CSMD1: variants seen among roughly 807,000 people sequenced by gnomAD.
CSMD1 encodes the protein CUB and sushi domain-containing protein 1.
In CSMD1, 213 loss-of-function variants were observed where a neutral mutation model predicts 417.5. The ratio of observed to expected loss-of-function variants is 0.51; its 90% CI spans 0.46 to 0.57. The LOEUF (loss-of-function observed/expected upper bound fraction) is 0.57, where lower values mean the gene tolerates loss of function less well. Ranked by LOEUF, CSMD1 falls within the 20% of genes least tolerant of loss-of-function variation. The probability of loss-of-function intolerance (pLI) is 0.00; values close to 1 mark genes in which losing one functional copy is unlikely to be tolerated. For missense variants in CSMD1, 6,923 were observed against 4,529.7 expected (o/e 1.53, Z -15.17); for synonymous variants, 2,862 against 1,736.8 (o/e 1.65, Z -16.11).
At chr8:4,082,661 T>C (rs188361845) in intron 3 of CSMD1, among the ~76,000 whole-genome samples, 116 of 152,128 alleles carry the variant, frequency 7.6e-4, no homozygotes, top group Admixed American at 1.5e-3. Context: ...ATGTGCACAA[T>C]GTGCAGGTTA....
intron 3 of CSMD1, among the ~76,000 whole-genome samples, chr8:4,391,734 G>C (rs533579513): frequency 6.6e-6 from 1 of 152,120 alleles, no homozygotes; most frequent in African/African-American, 2.4e-5. Flanking sequence ...AGTGCAATGT[G>C]CCTGAAGCCT....
chr8:4,361,176 A>C (rs1490329686), intron 3 of CSMD1, among the ~76,000 whole-genome samples: 1 of 152,350 alleles, frequency 6.6e-6, no homozygotes, highest in East Asian at 1.9e-4. Flanking sequence ...AATTAGACTT[A>C]TTAAGCTGTG....
intron 6 of CSMD1, among the ~76,000 whole-genome samples, chr8:3,729,807 A>G (rs1802716357): frequency 1.3e-5 from 2 of 151,934 alleles, no homozygotes; most frequent in South Asian, 4.2e-4. Context: ...TGATTTCTTC[A>G]TTCTACAGCA....
At chr8:4,508,280 G>T (rs1802638298) in intron 2 of CSMD1, among the ~76,000 whole-genome samples, 1 of 151,616 alleles carries the variant, frequency 6.6e-6, no homozygotes, top group Non-Finnish European at 1.5e-5. Context: ...TTTGCTAGAT[G>T]CATTGGAGTG....
intron 12 of CSMD1, among the ~76,000 whole-genome samples, chr8:3,456,268 C>G (rs984491581): frequency 6.6e-6 from 1 of 151,928 alleles, no homozygotes; most frequent in South Asian, 2.1e-4. Context: ...ATAGGTGGGG[C>G]GATGCCTTGC....
chr8:4,905,620 C>T (rs960412768), intron 1 of CSMD1, among the ~76,000 whole-genome samples: 15 of 151,664 alleles, frequency 9.9e-5, no homozygotes, highest in Admixed American at 3.9e-4. Context: ...GAGATCGAGG[C>T]CATCCTGGCT....
At chr8:4,347,831 T>G (rs1219373370) in intron 3 of CSMD1, among the ~76,000 whole-genome samples, 1 of 115,054 alleles carries the variant, frequency 8.7e-6, no homozygotes, top group Non-Finnish European at 1.7e-5. Flanking sequence ...ATATCTTCTC[T>G]CGTTCAAAGA....
intron 3 of CSMD1, among the ~76,000 whole-genome samples, chr8:4,287,274 A>G (rs758683531): frequency 2.0e-5 from 3 of 152,148 alleles, no homozygotes; most frequent in Non-Finnish European, 2.9e-5. Flanking sequence ...CTTGAATATA[A>G]TTAGTATTTT....
At chr8:4,326,025 A>G (rs1365696513) in intron 3 of CSMD1, among the ~76,000 whole-genome samples, 2 of 152,098 alleles carry the variant, frequency 1.3e-5, no homozygotes, top group South Asian at 2.1e-4. Context: ...CGCTATTTTT[A>G]AAGCAATATT....
chr8:3,985,685 C>T (rs1296543243), intron 5 of CSMD1, among the ~76,000 whole-genome samples: 1 of 152,028 alleles, frequency 6.6e-6, no homozygotes, highest in African/African-American at 2.4e-5. Context: ...CTCATTACAA[C>T]CTCCAAGAAT....
intron 10 of CSMD1, among the ~76,000 whole-genome samples, chr8:3,565,534 G>C (rs975358732): frequency 1.3e-5 from 2 of 152,060 alleles, no homozygotes; most frequent in Non-Finnish European, 2.9e-5. Context: ...TACAACATAG[G>C]TTTCTATGTT....
chr8:3,196,473 G>A (rs910467962), intron 33 of CSMD1, among the ~76,000 whole-genome samples: 19 of 152,102 alleles, frequency 1.2e-4, no homozygotes, highest in Admixed American at 6.5e-4. Context: ...TTTCTTGCGC[G>A]AGATCCAAGA....
At chr8:3,970,373 C>A (rs1160672515) in intron 5 of CSMD1, among the ~76,000 whole-genome samples, 7 of 152,098 alleles carry the variant, frequency 4.6e-5, no homozygotes, top group Non-Finnish European at 8.8e-5. Flanking sequence ...GCAACTCCGA[C>A]CAAACAGTAA....
chr8:3,982,345 T>G (rs902531262), intron 5 of CSMD1, among the ~76,000 whole-genome samples: 1 of 151,818 alleles, frequency 6.6e-6, no homozygotes, highest in Non-Finnish European at 1.5e-5. Context: ...TATTCTCACC[T>G]GCAAAATGAG....
At chr8:4,660,801 A>C (rs1804544467) in intron 1 of CSMD1, among the ~76,000 whole-genome samples, 2 of 152,056 alleles carry the variant, frequency 1.3e-5, no homozygotes, top group East Asian at 3.9e-4. Flanking sequence ...CCAATTAGAA[A>C]ATGGGCAAAA....
intron 5 of CSMD1, among the ~76,000 whole-genome samples, chr8:3,982,260 C>G (rs1453372013): frequency 6.6e-6 from 1 of 150,860 alleles, no homozygotes; most frequent in East Asian, 1.9e-4. Flanking sequence ...CTTAAGAATG[C>G]TGGGATTTAA....
chr8:4,181,624 T>G (rs1798381990), intron 3 of CSMD1, among the ~76,000 whole-genome samples: 2 of 152,222 alleles, frequency 1.3e-5, no homozygotes, highest in Admixed American at 1.3e-4. Flanking sequence ...TTCATTTATA[T>G]TTACATTCCA....
rs148260419 is a variant in CSMD1, at chr8:3,477,517, T to C, written c.1449-8693A>G. 2.2e-3 allele frequency among the ~76,000 whole-genome samples: 333 copies of C among 152,334 alleles called. 1 individual carries two copies. The highest frequency in any genetic ancestry group is 3.2e-3 in the Non-Finnish European group (218 of 68,030). ...TTAATAAGGATAAGTAAAGACAAGG[T>C]ACTATCTTTTCAGGCACCTGGGTAC... is the stretch of plus-strand genomic sequence containing the variant. On this transcript the variant is annotated intron_variant, in intron 11 of 69. Transcript: ENST00000635120.
At chr8:3,590,988 T>G in intron 8 of CSMD1, among the ~76,000 whole-genome samples, 1 of 152,302 alleles carries the variant, frequency 6.6e-6, no homozygotes, top group South Asian at 2.1e-4. Context: ...TCAGATAATC[T>G]AACTTGGTTT....
Sources: gnomAD v4.1 joint callset for allele counts (sites outside exome capture counted in the v4.1 genomes callset) on GRCh38, gnomAD v4.1.1 for gene constraint, MANE v1.5 for transcripts, NCBI Gene and HGNC (gene_info 2026-07-23, HGNC 2026-07-21) for gene names.